DMXL1: variants seen among roughly 807,000 people sequenced by gnomAD.
DMXL1 encodes the protein Dmx like 1.
Under a neutral mutation model 319.2 loss-of-function variants are expected in DMXL1, and 99 were observed. That is an observed-to-expected ratio of 0.31 (90% CI 0.26 to 0.37). The LOEUF (loss-of-function observed/expected upper bound fraction) is 0.37. Among genes scored for constraint, DMXL1 ranks in the 10% least tolerant of loss-of-function variants. The probability of loss-of-function intolerance (pLI) is 1.00; values close to 1 mark genes in which losing one functional copy is unlikely to be tolerated. For missense variants in DMXL1, 3,745 were observed against 3,595.6 expected, an observed-to-expected ratio of 1.04 and a Z score of -1.06; for synonymous variants, 1,385 against 1,235.2, an observed-to-expected ratio of 1.12 and a Z score of -2.54.
In DMXL1 at chr5:119,170,771, G is replaced by C. The variant is rs771566108; in HGVS notation, c.5980G>C (p.Asp1994His). The change falls in exon 24 of 44, where the codon GAT becomes CAT. Residue 1994 changes from aspartate to histidine, a missense_variant. By Grantham distance (81) the Asp-to-His change is moderately conservative. Around this residue, in one of 4 missense-constraint regions of DMXL1, gnomAD observed 1,382 missense variants for 1,269.5 expected, o/e 1.09. Transcript: ENST00000539542. ...ACTAAAACCTTTACAGAGAAAAACA[G>C]ATAAAAAGTTGGATGACATAAGTTC... is the stretch of plus-strand genomic sequence containing the variant. The part of the protein sequence containing the change: ...KELKPLQRKT[D>H]KKLDDISSNY... The C allele has an allele frequency of 3.7e-6, 6 of 1,612,132 alleles. No homozygotes were observed. Among genetic ancestry groups the C allele is most frequent in the Non-Finnish European group, 5.1e-6 (6 of 1,179,612 alleles).
chr5:119,119,802 C>T lies in DMXL1; in HGVS notation c.933+798C>T, dbSNP rs140291140. On this transcript the variant is annotated intron_variant, in intron 8 of 43. Coordinates refer to ENST00000539542, the MANE Select transcript of DMXL1 (RefSeq NM_001290321.3). ...CTGGGATTACAGGCATAAGCCATGG[C>T]GCTCGGCCTATTATTTTCTTAATAT... 5.6e-4 allele frequency among the ~76,000 whole-genome samples: 85 copies of T among 151,544 alleles called. 1 individual carries two copies. In the East Asian group the frequency reaches 0.013, roughly 23 times the overall value.
At chr5:119,238,933 C>A in intron 40 of DMXL1, 56 bp from the exon 41 acceptor site, 1 of 1,597,084 alleles carries the variant, frequency 6.3e-7, no homozygotes, top group Middle Eastern at 1.7e-4. Flanking sequence ...ATACATTTAC[C>A]TGGTTATGAC....
At chr5:119,081,661 T>G (rs1752215170) in intron 1 of DMXL1, 1 of 985,380 alleles carries the variant, frequency 1.0e-6, no homozygotes, top group South Asian at 4.7e-5. Flanking sequence ...AAACAAAGAT[T>G]GAAGACCAAC....
chr5:119,111,402 AATG>A (rs1238281267), intron 5 of DMXL1, among the ~76,000 whole-genome samples: 2 of 152,364 alleles, frequency 1.3e-5, no homozygotes, highest in East Asian at 3.9e-4. Context: ...AATATGTTGA[AATG>A]ATGTTTTTAT....
At position 119,148,741 on chromosome 5, in the gene DMXL1, C is replaced by T. The variant is rs752045155; in HGVS notation, c.2914C>T (p.His972Tyr). 1.2e-6 allele frequency: 2 copies of T among 1,602,016 alleles called. No homozygotes were observed. Among genetic ancestry groups the T allele is most frequent in the Non-Finnish European group, 1.7e-6 (2 of 1,172,400 alleles). Residue 972 changes from histidine to tyrosine, a missense_variant and splice_region_variant, in exon 18 of 44, where the codon CAT becomes TAT. Transcript: ENST00000539542. The part of the protein sequence containing the change: ...EIISIKPSAG[H>Y]LSSSSIYPAC... ...TTAACGGATTATTTTTATTTTAGGA[C>T]ATCTGAGTTCATCTTCTATATATCC...
chr5:119,217,533 C>G (rs546260467), intron 35 of DMXL1, among the ~76,000 whole-genome samples: 1 of 152,296 alleles, frequency 6.6e-6, no homozygotes, highest in East Asian at 1.9e-4. Context: ...TAATCATTTT[C>G]CCCTTCTGTC....
At position 119,164,549 on chromosome 5, in the gene DMXL1, CA is replaced by C. The variant is rs1204097406; in HGVS notation, c.4746del (p.Glu1583LysfsTer5). 1 of 1,614,068 alleles carries C rather than the reference CA, an allele frequency of 6.2e-7. No homozygotes were observed. On this transcript the variant is annotated frameshift_variant, in exon 20 of 44. Coordinates refer to ENST00000539542, the MANE Select transcript of DMXL1 (RefSeq NM_001290321.3). LOFTEE classifies it high-confidence loss of function. ...TTTGCTTGGGCATTTCACTCAGTAG[CA>C]GAAGAAGAACTGCTGAACATGTTGC... ...SHFAWAFHSV[A>X]EEELLNMLPA...
intron 34 of DMXL1, among the ~76,000 whole-genome samples, chr5:119,213,596 A>G (rs1783170309): frequency 6.6e-6 from 1 of 152,210 alleles, no homozygotes. Flanking sequence ...GTCCTTCAAG[A>G]TTTAAACAAT....
intron 1 of DMXL1, among the ~76,000 whole-genome samples, chr5:119,089,706 A>T (rs1026798699): frequency 4.7e-5 from 7 of 148,916 alleles, no homozygotes; most frequent in African/African-American, 1.7e-4. Context: ...TCTCACCGCA[A>T]CCTCCACCTC....
chr5:119,169,598 C>T (rs1774147289), intron 23 of DMXL1, among the ~76,000 whole-genome samples: 1 of 152,030 alleles, frequency 6.6e-6, no homozygotes, highest in Non-Finnish European at 1.5e-5. Context: ...GTCAAGGGCA[C>T]ACTAAATAAA....
rs1774300428 is a variant in DMXL1, at chr5:119,170,345, T to A, written c.5554T>A (p.Leu1852Ile). The A allele has an allele frequency of 6.2e-7, 1 of 1,613,896 alleles. No homozygotes were observed. The highest frequency in any genetic ancestry group is 8.5e-7 in the Non-Finnish European group (1 of 1,179,968). Residue 1852 changes from leucine (L) to isoleucine (I), a missense_variant, in exon 24 of 44, where the codon TTA (leucine) becomes ATA (isoleucine). Transcript: ENST00000539542. ...AAGTGGACTGGCAGGAACAATTAAT[T>A]TAAGTGAAAGACGTTTATTTTTTAC... Reference protein sequence around the residue: ...GKSGLAGTINLSERRLFFTTA... With the variant: ...GKSGLAGTINISERRLFFTTA...
chr5:119,086,592 G>T (rs1444136064), intron 1 of DMXL1, among the ~76,000 whole-genome samples: 1 of 152,102 alleles, frequency 6.6e-6, no homozygotes, highest in African/African-American at 2.4e-5. Flanking sequence ...TTTCTCTTCA[G>T]TTTTTTTGAA....
At chr5:119,106,198 C>G (rs543739323) in intron 4 of DMXL1, among the ~76,000 whole-genome samples, 1 of 152,276 alleles carries the variant, frequency 6.6e-6, no homozygotes, top group East Asian at 1.9e-4. Flanking sequence ...TTCTGTGGCC[C>G]TCTGTAGCAG....
At position 119,089,872 on chromosome 5, in the gene DMXL1, C is replaced by T. The variant is rs144946953; in HGVS notation, c.88-8107C>T. 4.9e-3 allele frequency among the ~76,000 whole-genome samples: 747 copies of T among 151,588 alleles called. 7 individuals carry two copies. Among genetic ancestry groups the T allele is most frequent in the African/African-American group, 0.017 (686 of 41,298 alleles). ...AACTCCACACCTCAGGTGATCCGCC[C>T]GCCTTGGCCTCCCGAAGTGCTGGGA... On this transcript the variant is annotated intron_variant, in intron 1 of 43. Coordinates refer to ENST00000539542, the MANE Select transcript of DMXL1 (RefSeq NM_001290321.3).
At chr5:119,197,421 G>A (rs1779836719) in intron 31 of DMXL1, among the ~76,000 whole-genome samples, 1 of 152,152 alleles carries the variant, frequency 6.6e-6, no homozygotes, top group African/African-American at 2.4e-5. Context: ...TGCAGCCTGT[G>A]GGCCATGGGT....
chr5:119,203,742 A>G (rs926838742), intron 33 of DMXL1, among the ~76,000 whole-genome samples: 1 of 152,218 alleles, frequency 6.6e-6, no homozygotes, highest in Non-Finnish European at 1.5e-5. Flanking sequence ...TTCATGTGAC[A>G]GTTAAAAGAA....
In DMXL1 at chr5:119,237,426, A is replaced by G. The variant is rs957846426; in HGVS notation, c.8559+12A>G. ...CTAAGCCATACCTGGTAAGCCAAGA[A>G]TTTCTACCTTTAAATAAAATTTGAA... is the stretch of plus-strand genomic sequence containing the variant. On this transcript the variant is annotated intron_variant, in intron 40 of 43. Coordinates refer to ENST00000539542, the MANE Select transcript of DMXL1 (RefSeq NM_001290321.3). 6.6e-7 allele frequency: 1 copy of G among 1,525,872 alleles called. No homozygotes were observed. Among genetic ancestry groups the G allele is most frequent in the Non-Finnish European group, 9.0e-7 (1 of 1,110,526 alleles). 94.5% of individuals were successfully genotyped at this position (1,525,872 alleles called of 1,614,324 possible).
chr5:119,215,272 CT>C (rs1783477534), intron 34 of DMXL1, among the ~76,000 whole-genome samples: 1 of 152,028 alleles, frequency 6.6e-6, no homozygotes. Context: ...TCTCTTTGAA[CT>C]TTCCAATTGA....
At chr5:119,157,027 T>C (rs564149500) in intron 19 of DMXL1, among the ~76,000 whole-genome samples, 311 of 151,984 alleles carry the variant, frequency 2.0e-3, no homozygotes, top group South Asian at 5.6e-3. Context: ...TTTTTTTTTT[T>C]CCCCCAAGAG....
Sources: allele counts gnomAD v4.1 joint callset (sites outside exome capture counted in the v4.1 genomes callset), GRCh38; gene constraint gnomAD v4.1.1; regional missense constraint gnomAD v4.1.1; transcripts MANE v1.5; gene names NCBI Gene and HGNC (gene_info 2026-07-23, HGNC 2026-07-21).